The following HOXD4 variants were observed in gnomAD, a reference collection of about 807,000 sequenced individuals.
HOXD4 encodes homeobox protein Hox-D4.
HOXD4 carries 15 observed loss-of-function variants against 22.6 expected under a neutral mutation model. That is an observed-to-expected ratio of 0.67 (90% CI 0.45 to 1.02). The LOEUF (loss-of-function observed/expected upper bound fraction) is 1.02, where lower values mean the gene tolerates loss of function less well. Ranked by LOEUF, HOXD4 falls within the 50% of genes least tolerant of loss-of-function variation. The probability of loss-of-function intolerance (pLI) is 0.00; values close to 1 mark genes in which losing one functional copy is unlikely to be tolerated. For synonymous variants in HOXD4, 176 were observed against 157.0 expected (o/e 1.12, Z -0.90); for missense variants, 350 against 346.6 (o/e 1.01, Z -0.08).
Position 176,152,553 on chromosome 2 carries a change from G to A in HOXD4, c.434-55G>A. ...CAGGAAGTGAGCGGCGGAGGCGAGGGGCCTAACTAGTGGCCGGGCGCTGAC... is the reference window on the plus strand; with the variant it reads ...CAGGAAGTGAGCGGCGGAGGCGAGGAGCCTAACTAGTGGCCGGGCGCTGAC... On this transcript the variant is annotated intron_variant, in intron 1 of 1. Coordinates refer to ENST00000306324, the MANE Select transcript of HOXD4 (RefSeq NM_014621.3). The surrounding 1 kb of genome is among the most constrained non-coding windows in gnomAD (Gnocchi z 5.2). 1 of 1,440,616 alleles carries A rather than the reference G, an allele frequency of 6.9e-7. No homozygotes were observed. The highest frequency in any genetic ancestry group is 2.0e-4 in the Middle Eastern group (1 of 5,008). 89.2% of individuals were successfully genotyped at this position (1,440,616 alleles called of 1,614,324 possible).
Position 176,152,864 on chromosome 2 carries a change from T to C in HOXD4, c.690T>C (p.Ser230=). The change falls in exon 2 of 2, where the codon TCT becomes TCC. Residue 230 remains serine, a synonymous_variant. Coordinates refer to ENST00000306324, the MANE Select transcript of HOXD4 (RefSeq NM_014621.3). This position sits in a 1 kb window ranked among gnomAD's most constrained non-coding sequence, Gnocchi z 5.2. ...CATCGTCCTCATCTTCCTCCTCATC[T>C]TGCTCCTCCTCAGTCGCCCCCAGCC... ...GRSSSSSSSS[S]CSSSVAPSQH... is the part of the protein sequence containing the mutation. 2 of 1,614,164 alleles carry C rather than the reference T, an allele frequency of 1.2e-6. No homozygotes were observed. Among genetic ancestry groups the C allele is most frequent in the Non-Finnish European group, 1.7e-6 (2 of 1,180,028 alleles).
Position 176,152,728 on chromosome 2 carries a change from T to C in HOXD4, c.554T>C (p.Ile185Thr). 1 of 1,614,198 alleles carries C rather than the reference T, an allele frequency of 6.2e-7. No homozygotes were observed. Among genetic ancestry groups the C allele is most frequent in the Non-Finnish European group, 8.5e-7 (1 of 1,180,028 alleles). Residue 185 changes from isoleucine to threonine, a missense_variant, in exon 2 of 2, where the codon ATT (isoleucine) becomes ACT (threonine). Transcript: ENST00000306324. This position sits in a 1 kb window ranked among gnomAD's most constrained non-coding sequence, Gnocchi z 5.2. ...AGGTATCTGACAAGGCGCCGTCGGA[T>C]TGAAATCGCTCACACCCTGTGTCTG... ...FNRYLTRRRR[I>T]EIAHTLCLSE...
chr2:176,152,635 C>T lies in HOXD4; in HGVS notation c.461C>T (p.Pro154Leu), dbSNP rs1259983315. 1.9e-6 allele frequency: 3 copies of T among 1,614,084 alleles called. No homozygotes were observed. The South Asian group carries it at 3.3e-5, about 18-fold the overall frequency. Residue 154 changes from proline (P) to leucine (L), a missense_variant, in exon 2 of 2, where the codon CCC becomes CTC. Coordinates refer to ENST00000306324, the MANE Select transcript of HOXD4 (RefSeq NM_014621.3). The surrounding 1 kb of genome is among the most constrained non-coding windows in gnomAD (Gnocchi z 5.2). ...SVNPNYTGGE[P>L]KRSRTAYTRQ... Reference sequence around the variant, plus strand: ...AACCCCAACTACACCGGTGGGGAACCCAAGCGGTCCCGAACGGCCTACACC... The same window carrying T: ...AACCCCAACTACACCGGTGGGGAACTCAAGCGGTCCCGAACGGCCTACACC...
rs942388594 is a variant in HOXD4 at position 176,151,945 on chromosome 2, G to T, written c.312G>T (p.Pro104=). Residue 104 remains proline (P), a synonymous_variant, in exon 1 of 2, where the codon CCG becomes CCT. Transcript: ENST00000306324. The stretch of plus-strand genomic sequence containing the variant: ...GCCCAGCTCCCCCGGCGCCTCCGCC[G>T]GCGCCCCTGCCTGGCGCCCGGGCCT... The part of the protein sequence containing the change: ...EPCPAPPAPP[P]APLPGARAYS... 1.9e-6 allele frequency: 3 copies of T among 1,609,384 alleles called. No individual in the cohort carries two copies. The highest frequency in any genetic ancestry group is 2.7e-5 in the African/African-American group (2 of 74,814).
Position 176,152,059 on chromosome 2 carries a change from G to A in HOXD4, c.426G>A (p.Val142=). The change falls in exon 1 of 2, where the codon GTG becomes GTA. Residue 142 remains valine (V), a synonymous_variant. Coordinates refer to ENST00000306324, the MANE Select transcript of HOXD4 (RefSeq NM_014621.3). This position sits in a 1 kb window ranked among gnomAD's most constrained non-coding sequence, Gnocchi z 5.2. ...VVYPWMKKVH[V]NSVNPNYTGG... is the part of the protein sequence containing the mutation. ...ACCCCTGGATGAAGAAGGTGCACGTGAATTCGGGTAAGGCTAGGGTCCAGT... is the reference window on the plus strand; with the variant it reads ...ACCCCTGGATGAAGAAGGTGCACGTAAATTCGGGTAAGGCTAGGGTCCAGT... 6.2e-7 allele frequency: 1 copy of A among 1,613,426 alleles called. No individual in the cohort carries two copies. Among genetic ancestry groups the A allele is most frequent in the Non-Finnish European group, 8.5e-7 (1 of 1,179,742 alleles).
chr2:176,152,964 C>G lies in HOXD4; in HGVS notation c.*22C>G. 3 of 1,608,242 alleles carry G rather than the reference C, an allele frequency of 1.9e-6. No individual in the cohort carries two copies. Among genetic ancestry groups the G allele is most frequent in the Non-Finnish European group, 1.7e-6 (2 of 1,174,664 alleles). Reference sequence around the variant, plus strand: ...ATAGAAGTGGGGACCCTGGGCCCATCTCTCCCTGCGCACCAGGCTGAGCCG... The same window carrying G: ...ATAGAAGTGGGGACCCTGGGCCCATGTCTCCCTGCGCACCAGGCTGAGCCG... On this transcript the variant is annotated 3_prime_UTR_variant, in exon 2 of 2. Coordinates refer to ENST00000306324, the MANE Select transcript of HOXD4 (RefSeq NM_014621.3). The surrounding 1 kb of genome is among the most constrained non-coding windows in gnomAD (Gnocchi z 5.2).
Position 176,153,116 on chromosome 2 carries a change from A to G in HOXD4, c.*174A>G. 2.7e-6 allele frequency: 1 copy of G among 368,366 alleles called. No individual in the cohort carries two copies. Among genetic ancestry groups the G allele is most frequent in the Non-Finnish European group, 5.3e-6 (1 of 187,640 alleles). 22.8% of individuals were successfully genotyped at this position (368,366 alleles called of 1,614,324 possible). A position where few individuals can be genotyped will look rare whatever the true frequency, so the allele number is the denominator to read the frequency against. On this transcript the variant is annotated 3_prime_UTR_variant, in exon 2 of 2. Transcript: ENST00000306324. ...CCTGCCCGAGGGCAGCCCCCTCCCT[A>G]GAGCGGGATGGGGATGGGAGGGGGG...
Position 176,151,944 on chromosome 2 carries a change from C to T in HOXD4, c.311C>T (p.Pro104Leu), listed in dbSNP as rs370375150. ...EPCPAPPAPP[P>L]APLPGARAYS... ...TGCCCAGCTCCCCCGGCGCCTCCGC[C>T]GGCGCCCCTGCCTGGCGCCCGGGCC... Residue 104 changes from proline to leucine, a missense_variant, in exon 1 of 2, where the codon CCG becomes CTG. By Grantham distance (98) the Pro-to-Leu change is moderately conservative (BLOSUM62 -3). Transcript: ENST00000306324. 1 of 1,609,266 alleles carries T rather than the reference C, an allele frequency of 6.2e-7. No homozygotes were observed. The highest frequency in any genetic ancestry group is 2.2e-5 in the East Asian group (1 of 44,756).
chr2:176,151,684 C>A lies in HOXD4; in HGVS notation c.51C>A (p.Phe17Leu). The change falls in exon 1 of 2, where the codon TTC becomes TTA. Residue 17 changes from phenylalanine to leucine, a missense_variant. Phe to Leu is a conservative substitution (Grantham distance 22). Transcript: ENST00000306324. ...MVNSKYVDPK[F>L]PPCEEYLQGG... ...ACTCCAAGTATGTGGACCCCAAGTT[C>A]CCTCCGTGCGAGGAGTATTTGCAGG... The A allele has an allele frequency of 1.9e-6, 3 of 1,613,592 alleles. No individual in the cohort carries two copies. The highest frequency in any genetic ancestry group is 1.1e-5 in the South Asian group (1 of 91,082).
Position 176,151,752 on chromosome 2 carries a change from G to GCGC in HOXD4, c.120_122dup (p.Ala41dup). On this transcript the variant is annotated inframe_insertion, in exon 1 of 2. Coordinates refer to ENST00000306324, the MANE Select transcript of HOXD4 (RefSeq NM_014621.3). ...CAGGGCGCCGACTACTACGGCGGCG[G>GCGC]CGCGCAGGGCGCAGACTTCCAGCCC... The GCGC allele has an allele frequency of 6.2e-7, 1 of 1,612,942 alleles. No homozygotes were observed. The highest frequency in any genetic ancestry group is 1.3e-5 in the African/African-American group (1 of 75,062).
Position 176,151,732 on chromosome 2 carries a change from C to A in HOXD4, c.99C>A (p.Gly33=), listed in dbSNP as rs779976253. 2.5e-6 allele frequency: 4 copies of A among 1,613,336 alleles called. No homozygotes were observed. Among genetic ancestry groups the A allele is most frequent in the Non-Finnish European group, 3.4e-6 (4 of 1,179,948 alleles). The part of the protein sequence containing the change: ...YLQGGYLGEQ[G]ADYYGGGAQG... ...AGGGCGGCTACCTAGGCGAGCAGGGCGCCGACTACTACGGCGGCGGCGCGC... is the reference window on the plus strand; with the variant it reads ...AGGGCGGCTACCTAGGCGAGCAGGGAGCCGACTACTACGGCGGCGGCGCGC... Residue 33 remains glycine (G), a synonymous_variant, in exon 1 of 2, where the codon GGC becomes GGA. Coordinates refer to ENST00000306324, the MANE Select transcript of HOXD4 (RefSeq NM_014621.3).
chr2:176,152,958 GC>G lies in HOXD4; in HGVS notation c.*19del. 1.2e-6 allele frequency: 2 copies of G among 1,611,604 alleles called. No individual in the cohort carries two copies. The highest frequency in any genetic ancestry group is 1.7e-6 in the Non-Finnish European group (2 of 1,177,720). The stretch of plus-strand genomic sequence containing the variant: ...GACCTTATAGAAGTGGGGACCCTGG[GC>G]CCATCTCTCCCTGCGCACCAGGCTG... On this transcript the variant is annotated 3_prime_UTR_variant, in exon 2 of 2. Transcript: ENST00000306324. The surrounding 1 kb of genome is among the most constrained non-coding windows in gnomAD (Gnocchi z 5.2).
rs967067731 is a variant in HOXD4 at position 176,151,924 on chromosome 2, A to C, written c.291A>C (p.Pro97=). Residue 97 remains proline (P), a synonymous_variant, in exon 1 of 2, where the codon CCA becomes CCC. Transcript: ENST00000306324. ...GHYAAPGEPC[P]APPAPPPAPL... ...ACGCCGCTCCAGGAGAGCCTTGCCC[A>C]GCTCCCCCGGCGCCTCCGCCGGCGC... The C allele has an allele frequency of 2.5e-6, 4 of 1,602,612 alleles. No individual in the cohort carries two copies. The highest frequency in any genetic ancestry group is 1.8e-4 in the Middle Eastern group (1 of 5,600).
rs1690560720 is a variant in HOXD4 at position 176,152,531 on chromosome 2, G to C, written c.434-77G>C. On this transcript the variant is annotated intron_variant, in intron 1 of 1. Transcript: ENST00000306324. The surrounding 1 kb of genome is among the most constrained non-coding windows in gnomAD (Gnocchi z 5.2). Reference sequence around the variant, plus strand: ...GGCCGCGGGCCTCGGGGCGCGCCAGGAAGTGAGCGGCGGAGGCGAGGGGCC... The same window carrying C: ...GGCCGCGGGCCTCGGGGCGCGCCAGCAAGTGAGCGGCGGAGGCGAGGGGCC... 3 of 1,277,046 alleles carry C rather than the reference G, an allele frequency of 2.3e-6. No homozygotes were observed. The highest frequency in any genetic ancestry group is 2.3e-6 in the Non-Finnish European group (2 of 881,922). The allele number at this position is 1,277,046 out of a possible 1,614,324, so 79.1% of individuals were successfully genotyped here.
chr2:176,152,107 C>G lies in HOXD4; in HGVS notation c.433+41C>G, dbSNP rs148411914. The G allele has an allele frequency of 3.2e-6, 5 of 1,558,752 alleles. No homozygotes were observed. The highest frequency in any genetic ancestry group is 4.4e-6 in the Non-Finnish European group (5 of 1,130,776). ...AGTAACCTTTCTGTCCACATCCCAG[C>G]CCGTTAGCCTGGGTCCTCTGGAAGG... On this transcript the variant is annotated intron_variant, in intron 1 of 1. Coordinates refer to ENST00000306324, the MANE Select transcript of HOXD4 (RefSeq NM_014621.3). The surrounding 1 kb of genome is among the most constrained non-coding windows in gnomAD (Gnocchi z 5.2).
rs772924286 is a variant in HOXD4 at position 176,152,744 on chromosome 2, C to G, written c.570C>G (p.Thr190=). 1.6e-5 allele frequency: 26 copies of G among 1,614,174 alleles called. No individual in the cohort carries two copies. In the South Asian group the frequency reaches 2.7e-4, roughly 17 times the overall value. ...TRRRRIEIAH[T]LCLSERQIKI... ...GCCGTCGGATTGAAATCGCTCACAC[C>G]CTGTGTCTGTCGGAGCGCCAGATCA... Residue 190 remains threonine (T), a synonymous_variant, in exon 2 of 2, where the codon ACC becomes ACG. Coordinates refer to ENST00000306324, the MANE Select transcript of HOXD4 (RefSeq NM_014621.3). This position sits in a 1 kb window ranked among gnomAD's most constrained non-coding sequence, Gnocchi z 5.2.
In HOXD4 at chr2:176,152,122, C is replaced by G; in HGVS notation, c.433+56C>G. On this transcript the variant is annotated intron_variant, in intron 1 of 1. Coordinates refer to ENST00000306324, the MANE Select transcript of HOXD4 (RefSeq NM_014621.3). The surrounding 1 kb of genome is among the most constrained non-coding windows in gnomAD (Gnocchi z 5.2). Reference sequence around the variant, plus strand: ...CACATCCCAGCCCGTTAGCCTGGGTCCTCTGGAAGGGGGTGCGAGTAGGTG... The same window carrying G: ...CACATCCCAGCCCGTTAGCCTGGGTGCTCTGGAAGGGGGTGCGAGTAGGTG... 2 of 1,477,816 alleles carry G rather than the reference C, an allele frequency of 1.4e-6. No individual in the cohort carries two copies. Among genetic ancestry groups the G allele is most frequent in the Non-Finnish European group, 1.9e-6 (2 of 1,058,380 alleles). 91.5% of individuals were successfully genotyped at this position (1,477,816 alleles called of 1,614,324 possible).
rs1690557526 is a variant in HOXD4, at chr2:176,152,469, AGGGAGGAAGCAAGCGAGCTT to A, written c.434-133_434-114del. On this transcript the variant is annotated intron_variant, in intron 1 of 1. Coordinates refer to ENST00000306324, the MANE Select transcript of HOXD4 (RefSeq NM_014621.3). The surrounding 1 kb of genome is among the most constrained non-coding windows in gnomAD (Gnocchi z 5.2). ...GCGTGTGCGCCGGGGAGAGGGCGGG[AGGGAGGAAGCAAGCGAGCTT>A]GGGAGCGCGCGGGGAGGGCCGCGGG... 1.5e-6 allele frequency: 1 copy of A among 661,282 alleles called. No individual in the cohort carries two copies. Among genetic ancestry groups the A allele is most frequent in the Admixed American group, 2.3e-5 (1 of 43,196 alleles). 41.0% of individuals were successfully genotyped at this position (661,282 alleles called of 1,614,324 possible).
chr2:176,153,120 C>CTGG lies in HOXD4; in HGVS notation c.*178_*179insTGG. On this transcript the variant is annotated 3_prime_UTR_variant, in exon 2 of 2. Transcript: ENST00000306324. ...CCCGAGGGCAGCCCCCTCCCTAGAG[C>CTGG]GGGATGGGGATGGGAGGGGGGGCGG... 2 of 367,750 alleles carry CTGG rather than the reference C, an allele frequency of 5.4e-6. No individual in the cohort carries two copies. The highest frequency in any genetic ancestry group is 1.5e-4 in the East Asian group (2 of 13,216). 22.8% of individuals were successfully genotyped at this position (367,750 alleles called of 1,614,324 possible). A position where few individuals can be genotyped will look rare whatever the true frequency, so the allele number is the denominator to read the frequency against.
Sources: allele counts gnomAD v4.1 joint callset, GRCh38; gene constraint gnomAD v4.1.1; non-coding constraint Gnocchi (gnomAD v3.1); transcripts MANE v1.5; gene names NCBI Gene and HGNC (gene_info 2026-07-23, HGNC 2026-07-21).